The following CD300A variants were observed in gnomAD, a reference collection of about 807,000 sequenced individuals.
CD300A encodes CD300a molecule.
In CD300A, 22 loss-of-function variants were observed where a neutral mutation model predicts 33.6. The ratio of observed to expected loss-of-function variants is 0.66; its 90% CI spans 0.47 to 0.94. The LOEUF (loss-of-function observed/expected upper bound fraction) is 0.94, where lower values mean the gene tolerates loss of function less well. Ranked by LOEUF, CD300A falls within the 40% of genes least tolerant of loss-of-function variation. The probability of loss-of-function intolerance (pLI) is 0.00; values close to 1 mark genes in which losing one functional copy is unlikely to be tolerated. For missense variants in CD300A, 326 were observed against 360.5 expected (o/e 0.90, Z 0.77); for synonymous variants, 136 against 148.1 (o/e 0.92, Z 0.59).
At chr17:74,476,037 A>T (rs1384639631) in intron 3 of CD300A, among the ~76,000 whole-genome samples, 1 of 152,146 alleles carries the variant, frequency 6.6e-6, no homozygotes, top group African/African-American at 2.4e-5. Context: ...CGGCACCTCA[A>T]TATATTTATC....
intron 6 of CD300A, 129 bp downstream of exon 6, chr17:74,481,962 A>C: frequency 1.6e-6 from 1 of 631,046 alleles, no homozygotes; most frequent in Non-Finnish European, 2.8e-6. Flanking sequence ...ACAGGGCCAC[A>C]TGGAGATGGA....
intron 3 of CD300A, among the ~76,000 whole-genome samples, chr17:74,476,848 G>A (rs1906496577): frequency 6.6e-6 from 1 of 152,196 alleles, no homozygotes; most frequent in South Asian, 2.1e-4. Context: ...GTATTGCTAA[G>A]TAAAACCAGA....
At chr17:74,474,098 G>A (rs1044065217) in intron 2 of CD300A, among the ~76,000 whole-genome samples, 10 of 152,072 alleles carry the variant, frequency 6.6e-5, no homozygotes, top group African/African-American at 2.2e-4. Flanking sequence ...CTGAGAGAGC[G>A]TTGCCTGTGA....
At chr17:74,470,143 G>A in intron 1 of CD300A, 1 of 985,400 alleles carries the variant, frequency 1.0e-6, no homozygotes, top group Non-Finnish European at 1.2e-6. Flanking sequence ...CCAGTCTCCT[G>A]TTTATGATTA....
At position 74,468,426 on chromosome 17, in the gene CD300A, G is replaced by A. The variant is rs529043781; in HGVS notation, c.40+1683G>A. The stretch of plus-strand genomic sequence containing the variant: ...CGGTTCACTGTAGCCTCCACCTCCC[G>A]GGCTCAAGTGATCCTCCCACCTCAA... On this transcript the variant is annotated intron_variant, in intron 1 of 6. Coordinates refer to ENST00000360141, the MANE Select transcript of CD300A (RefSeq NM_007261.4). 3.5e-4 allele frequency among the ~76,000 whole-genome samples: 53 copies of A among 152,108 alleles called. 1 individual carries two copies. The highest frequency in any genetic ancestry group is 1.2e-3 in the African/African-American group (48 of 41,494).
At chr17:74,469,193 A>G (rs1905926889) in intron 1 of CD300A, among the ~76,000 whole-genome samples, 1 of 151,880 alleles carries the variant, frequency 6.6e-6, no homozygotes, top group Non-Finnish European at 1.5e-5. Context: ...GAAGGGAAAG[A>G]ATTTCTTAAT....
In CD300A at chr17:74,481,714, C is replaced by T. The variant is rs1033615218; in HGVS notation, c.667-12C>T. On this transcript the variant is annotated splice_polypyrimidine_tract_variant and intron_variant, in intron 5 of 6. Transcript: ENST00000360141. ...TCCGTGGACACCCACCTGGGACCTC[C>T]TGCCCACCCAGGCTGCCACGCAGAG... 1 of 1,594,950 alleles carries T rather than the reference C, an allele frequency of 6.3e-7. No homozygotes were observed.
Position 74,484,243 on chromosome 17 carries a change from C to T in CD300A, c.*117C>T. On this transcript the variant is annotated 3_prime_UTR_variant, in exon 7 of 7. Coordinates refer to ENST00000360141, the MANE Select transcript of CD300A (RefSeq NM_007261.4). ...GCCCTCGACAACAGTGACCAACAGACAGGCAGCTGGGTTTCCCAGGCCATC... is the reference window on the plus strand; with the variant it reads ...GCCCTCGACAACAGTGACCAACAGATAGGCAGCTGGGTTTCCCAGGCCATC... The T allele has an allele frequency of 8.6e-7, 1 of 1,158,408 alleles. No homozygotes were observed. The allele number at this position is 1,158,408 out of a possible 1,614,324, so 71.8% of individuals were successfully genotyped here. A position where few individuals can be genotyped will look rare whatever the true frequency, so the allele number is the denominator to read the frequency against.
At position 74,473,578 on chromosome 17, in the gene CD300A, T is replaced by TG. The variant is rs1378786273; in HGVS notation, c.89dup (p.Ser31IlefsTer9). 6.2e-7 allele frequency: 1 copy of TG among 1,613,592 alleles called. No individual in the cohort carries two copies. The highest frequency in any genetic ancestry group is 8.5e-7 in the Non-Finnish European group (1 of 1,179,768). ...AAATGCAGGACCGTGGCGGGCCCCG[T>TG]GGGGGGATCCCTGAGTGTGCAGTGT... On this transcript the variant is annotated frameshift_variant, in exon 2 of 7. Coordinates refer to ENST00000360141, the MANE Select transcript of CD300A (RefSeq NM_007261.4). LOFTEE classifies it high-confidence loss of function.
intron 1 of CD300A, among the ~76,000 whole-genome samples, chr17:74,470,760 C>T (rs371228932): frequency 1.3e-5 from 2 of 151,906 alleles, no homozygotes; most frequent in South Asian, 2.1e-4. Flanking sequence ...GTGATCCTCC[C>T]GCCTCAGCCT....
At chr17:74,475,777 A>T (rs975197627) in intron 3 of CD300A, among the ~76,000 whole-genome samples, 5 of 152,184 alleles carry the variant, frequency 3.3e-5, no homozygotes, top group African/African-American at 1.2e-4. Flanking sequence ...GGGGATCCCC[A>T]GGCCACCACA....
At chr17:74,468,188 C>T (rs1272148967) in intron 1 of CD300A, among the ~76,000 whole-genome samples, 1 of 152,010 alleles carries the variant, frequency 6.6e-6, no homozygotes, top group Non-Finnish European at 1.5e-5. Flanking sequence ...GCATGTACCA[C>T]CATGCCTGGT....
chr17:74,473,267 G>T (rs79778751), intron 1 of CD300A, among the ~76,000 whole-genome samples: 1 of 152,074 alleles, frequency 6.6e-6, no homozygotes, highest in South Asian at 2.1e-4. Context: ...AGGGCTGGGG[G>T]TGCTGATGTG....
intron 1 of CD300A, among the ~76,000 whole-genome samples, chr17:74,468,571 G>A (rs1456446759): frequency 2.6e-5 from 4 of 152,024 alleles, no homozygotes; most frequent in Non-Finnish European, 5.9e-5. Context: ...GGGATCAAGG[G>A]ATCCTCCCAT....
At chr17:74,472,810 A>G (rs1187050344) in intron 1 of CD300A, among the ~76,000 whole-genome samples, 3 of 152,048 alleles carry the variant, frequency 2.0e-5, no homozygotes, top group Non-Finnish European at 4.4e-5. Flanking sequence ...GGGTTTCACC[A>G]TGTCGGCCAG....
At chr17:74,474,437 G>A (rs546581903) in intron 2 of CD300A, 95 bp from the exon 3 acceptor site, 120 of 1,264,590 alleles carry the variant, frequency 9.5e-5, no homozygotes, top group Non-Finnish European at 1.3e-4. Context: ...CTTCCTTAGT[G>A]GGCAGTTTGT....
At chr17:74,467,161 G>A (rs1317467669) in intron 1 of CD300A, among the ~76,000 whole-genome samples, 3 of 144,028 alleles carry the variant, frequency 2.1e-5, no homozygotes, top group South Asian at 2.3e-4. Flanking sequence ...GTATGGAGGA[G>A]GGGGGTGTGG....
At chr17:74,479,862 A>G (rs1906717706) in intron 4 of CD300A, among the ~76,000 whole-genome samples, 1 of 151,938 alleles carries the variant, frequency 6.6e-6, no homozygotes, top group Non-Finnish European at 1.5e-5. Flanking sequence ...CCCAGCCCAC[A>G]TTTGTCGTTC....
At chr17:74,482,599 T>C (rs116192739) in intron 6 of CD300A, among the ~76,000 whole-genome samples, 6,957 of 150,652 alleles carry the variant, frequency 0.046, 315 homozygotes, top group African/African-American at 0.11. Flanking sequence ...AGCCGCACCG[T>C]TCCCCAACCT....
Sources: allele counts gnomAD v4.1 joint callset (sites outside exome capture counted in the v4.1 genomes callset), GRCh38; gene constraint gnomAD v4.1.1; transcripts MANE v1.5; gene names NCBI Gene and HGNC (gene_info 2026-07-23, HGNC 2026-07-21).